The following ELMO1 variants were observed in gnomAD, a reference collection of about 807,000 sequenced individuals.
ELMO1 encodes the protein engulfment and cell motility protein 1.
A neutral mutation model predicts 98.9 loss-of-function variants in ELMO1; 26 were observed. The ratio of observed to expected loss-of-function variants is 0.26; its 90% CI spans 0.19 to 0.36. ELMO1 has a LOEUF of 0.36. ELMO1 is among the 10% of genes least tolerant of loss of function. The probability of loss-of-function intolerance (pLI) is 1.00; values close to 1 mark genes in which losing one functional copy is unlikely to be tolerated. For synonymous variants in ELMO1, 346 were observed against 346.0 expected (o/e 1.00, Z 0.00); for missense variants, 627 against 935.2 (o/e 0.67, Z 4.30).
chr7:37,015,436 A>G (rs1793865497), intron 15 of ELMO1, among the ~76,000 whole-genome samples: 2 of 152,184 alleles, frequency 1.3e-5, no homozygotes, highest in African/African-American at 4.8e-5. Context: ...TCCTGTCTCT[A>G]CTAAAAACAC....
chr7:37,004,002 C>G (rs1792871319), intron 16 of ELMO1, among the ~76,000 whole-genome samples: 1 of 152,156 alleles, frequency 6.6e-6, no homozygotes, highest in Non-Finnish European at 1.5e-5. Flanking sequence ...AGACTCATCT[C>G]TTTTTGGAAA....
At chr7:37,088,853 G>T (rs1172612548) in intron 15 of ELMO1, among the ~76,000 whole-genome samples, 2 of 152,198 alleles carry the variant, frequency 1.3e-5, no homozygotes, top group Non-Finnish European at 2.9e-5. Context: ...TAATGTCAAA[G>T]TTAGGCTTTA....
intron 2 of ELMO1, among the ~76,000 whole-genome samples, chr7:37,338,783 T>C (rs1331720112): frequency 2.0e-5 from 3 of 152,282 alleles, no homozygotes; most frequent in Admixed American, 6.5e-5. Context: ...CAACAATACA[T>C]TGTGAAGGCG....
chr7:37,201,998 T>C (rs570925922), intron 13 of ELMO1, among the ~76,000 whole-genome samples: 4 of 152,310 alleles, frequency 2.6e-5, no homozygotes, highest in East Asian at 3.9e-4. Flanking sequence ...CCTTTACCCA[T>C]GTCCCCCAAG....
chr7:37,256,748 AAGGGAAGGGAAGG>A (rs1562559383), intron 6 of ELMO1, among the ~76,000 whole-genome samples: 1,233 of 99,858 alleles, frequency 0.012, 25 homozygotes, highest in African/African-American at 0.049. Flanking sequence ...AAGGGAAGGG[AAGGGAAGGGAAGG>A]GAGAAGGGAG....
chr7:37,106,696 A>C (rs1321172434), intron 14 of ELMO1, among the ~76,000 whole-genome samples: 1 of 152,090 alleles, frequency 6.6e-6, no homozygotes, highest in Non-Finnish European at 1.5e-5. Flanking sequence ...TACAGAGGGG[A>C]ACAAAGTGTG....
At chr7:36,905,573 G>A (rs528096627) in intron 16 of ELMO1, among the ~76,000 whole-genome samples, 1 of 152,306 alleles carries the variant, frequency 6.6e-6, no homozygotes, top group South Asian at 2.1e-4. Context: ...GATATCCACA[G>A]GCATCCCTTT....
intron 3 of ELMO1, among the ~76,000 whole-genome samples, chr7:37,315,300 G>A (rs1455642051): frequency 1.3e-5 from 2 of 152,134 alleles, no homozygotes; most frequent in East Asian, 3.9e-4. Flanking sequence ...CATTTTAATT[G>A]TCTCTGTATT....
rs1339111160 is a variant in ELMO1 at position 37,398,936 on chromosome 7, G to A, written c.-74+49739C>T. On this transcript the variant is annotated intron_variant, in intron 1 of 21. Transcript: ENST00000310758. ...CATTATTACAGCTTAGTGCGGCATG[G>A]AGCAGTATCCCATATGTACTTTTAT... Among the ~76,000 whole-genome samples, 5 of 152,180 alleles carry A rather than the reference G, an allele frequency of 3.3e-5. No homozygotes were observed. The East Asian group carries it at 5.8e-4, about 18-fold the overall frequency.
chr7:37,214,474 A>G (rs964611538), intron 11 of ELMO1, among the ~76,000 whole-genome samples: 9 of 152,118 alleles, frequency 5.9e-5, no homozygotes, highest in African/African-American at 1.9e-4. Flanking sequence ...GAGGAAGTCT[A>G]GGTCCTTAGA....
chr7:37,123,173 A>G (rs1299756732), intron 14 of ELMO1, among the ~76,000 whole-genome samples: 1 of 152,234 alleles, frequency 6.6e-6, no homozygotes, highest in African/African-American at 2.4e-5. Flanking sequence ...AATGCCCACA[A>G]GAGAAAGCAG....
intron 15 of ELMO1, among the ~76,000 whole-genome samples, chr7:37,028,608 A>G (rs535584754): frequency 6.6e-6 from 1 of 152,280 alleles, no homozygotes; most frequent in African/African-American, 2.4e-5. Context: ...ATTTGAGAGA[A>G]AGTCTTATGG....
chr7:37,377,592 C>G (rs1802406022), intron 1 of ELMO1, among the ~76,000 whole-genome samples: 1 of 152,102 alleles, frequency 6.6e-6, no homozygotes. Flanking sequence ...GGAGACACCT[C>G]CAGGAGCCCT....
At chr7:37,239,109 A>G (rs902640830) in intron 7 of ELMO1, among the ~76,000 whole-genome samples, 6 of 152,158 alleles carry the variant, frequency 3.9e-5, no homozygotes, top group African/African-American at 1.4e-4. Flanking sequence ...ATAATATATA[A>G]TATAGAATTC....
intron 15 of ELMO1, among the ~76,000 whole-genome samples, chr7:37,078,822 A>G (rs1187964334): frequency 6.6e-6 from 1 of 152,214 alleles, no homozygotes; most frequent in African/African-American, 2.4e-5. Flanking sequence ...AAATAATGAT[A>G]CAATTATATT....
At chr7:37,250,010 T>A (rs1008340850) in intron 6 of ELMO1, among the ~76,000 whole-genome samples, 3 of 152,004 alleles carry the variant, frequency 2.0e-5, no homozygotes, top group East Asian at 1.9e-4. Flanking sequence ...GCCCTGGAGG[T>A]CAAGGCTGCA....
intron 1 of ELMO1, among the ~76,000 whole-genome samples, chr7:37,394,874 C>G (rs544972512): frequency 6.6e-6 from 1 of 152,108 alleles, no homozygotes; most frequent in Admixed American, 6.5e-5. Flanking sequence ...AACTTGAGAC[C>G]CCAGCAAATT....
intron 13 of ELMO1, among the ~76,000 whole-genome samples, chr7:37,185,122 T>G (rs1230966364): frequency 6.6e-6 from 1 of 152,228 alleles, no homozygotes; most frequent in African/African-American, 2.4e-5. Flanking sequence ...GGAGTTATTC[T>G]GAATCAAATA....
At chr7:36,980,167 C>A (rs1273560948) in intron 16 of ELMO1, among the ~76,000 whole-genome samples, 2 of 152,192 alleles carry the variant, frequency 1.3e-5, no homozygotes, top group African/African-American at 4.8e-5. Flanking sequence ...AGCTGTCTGC[C>A]TTATCACCAA....
Sources: gnomAD v4.1 joint callset for allele counts (sites outside exome capture counted in the v4.1 genomes callset) on GRCh38, gnomAD v4.1.1 for gene constraint, MANE v1.5 for transcripts, NCBI Gene and HGNC (gene_info 2026-07-23, HGNC 2026-07-21) for gene names.